Variants in SCN8A observed in about 807,000 individuals in gnomAD.
SCN8A encodes sodium channel protein type 8 subunit alpha.
A neutral mutation model predicts 184.1 loss-of-function variants in SCN8A; 30 were observed. The ratio of observed to expected loss-of-function variants is 0.16; its 90% CI spans 0.12 to 0.22. The LOEUF (loss-of-function observed/expected upper bound fraction) is 0.22, where lower values mean the gene tolerates loss of function less well. Among genes scored for constraint, SCN8A ranks in the 10% least tolerant of loss-of-function variants. The probability of loss-of-function intolerance (pLI) is 1.00; values close to 1 mark genes in which losing one functional copy is unlikely to be tolerated. For missense variants in SCN8A, 1,057 were observed against 2,498.9 expected (o/e 0.42, Z 12.30); for synonymous variants, 852 against 907.0 (o/e 0.94, Z 1.09).
Position 51,662,834 on chromosome 12 carries a change from T to A in SCN8A, c.17T>A (p.Leu6His). The change falls in exon 2 of 27, where the codon CTT becomes CAT. Residue 6 changes from leucine to histidine, a missense_variant. Leu to His is a moderately conservative substitution (Grantham distance 99). Around this residue, in one of 19 missense-constraint regions of SCN8A, gnomAD observed 45 missense variants for 71.3 expected, o/e 0.63. Transcript: ENST00000627620. MAARL[L>H]APPGPDSFKP... ...GATGAGAAGATGGCAGCGCGGCTGC[T>A]TGCACCACCAGGCCCTGATAGTTTC... is the stretch of plus-strand genomic sequence containing the variant. 6.2e-7 allele frequency: 1 copy of A among 1,613,848 alleles called. No individual in the cohort carries two copies. Among genetic ancestry groups the A allele is most frequent in the Non-Finnish European group, 8.5e-7 (1 of 1,179,814 alleles).
intron 4 of SCN8A, 75 bp downstream of exon 4, chr12:51,686,532 T>A: frequency 9.7e-7 from 1 of 1,028,308 alleles, no homozygotes; most frequent in Non-Finnish European, 1.5e-6. Context: ...TGCCACAGTT[T>A]ACCCATCAAG....
intron 1 of SCN8A, among the ~76,000 whole-genome samples, chr12:51,613,823 T>C (rs1011665459): frequency 6.6e-6 from 1 of 152,178 alleles, no homozygotes; most frequent in Non-Finnish European, 1.5e-5. Flanking sequence ...CTGTGGATTA[T>C]TTAGAAGTAT....
At chr12:51,733,083 A>C (rs915714748) in intron 12 of SCN8A, among the ~76,000 whole-genome samples, 13 of 152,188 alleles carry the variant, frequency 8.5e-5, no homozygotes, top group African/African-American at 3.1e-4. Flanking sequence ...TAGGACCTCC[A>C]GTACTATGTT....
At chr12:51,593,125 T>A (rs1159809955) in intron 1 of SCN8A, among the ~76,000 whole-genome samples, 2 of 152,168 alleles carry the variant, frequency 1.3e-5, no homozygotes, top group African/African-American at 2.4e-5. Context: ...TTGGAGCTCA[T>A]GACCCATAAG....
chr12:51,721,560 C>T lies in SCN8A; in HGVS notation c.1650C>T (p.Ile550=), dbSNP rs747628594. The T allele has an allele frequency of 6.2e-7, 1 of 1,603,774 alleles. No individual in the cohort carries two copies. Among genetic ancestry groups the T allele is most frequent in the African/African-American group, 1.3e-5 (1 of 74,786 alleles). The change falls in exon 12 of 27, where the codon ATC becomes ATT. Residue 550 remains isoleucine, a synonymous_variant. Coordinates refer to ENST00000627620, the MANE Select transcript of SCN8A (RefSeq NM_001330260.2). ...FSIMNQSLLS[I]PGSPFLSRHN... ...TGCCCCTGCAGTCACTGCTCAGCAT[C>T]CCAGGCTCGCCCTTCCTCTCCCGCC...
intron 2 of SCN8A, among the ~76,000 whole-genome samples, chr12:51,673,297 G>A (rs1431115988): frequency 1.3e-5 from 2 of 152,104 alleles, no homozygotes; most frequent in East Asian, 3.9e-4. Flanking sequence ...ATGTGCATAG[G>A]TTATGTGCAA....
chr12:51,770,020 ACTCGTGTTG>A, intron 18 of SCN8A, 35 bp downstream of exon 18: 2 of 1,389,138 alleles, frequency 1.4e-6, no homozygotes, highest in Non-Finnish European at 2.0e-6. Flanking sequence ...GGCTGGGGAC[ACTCGTGTTG>A]CTCACAGACA....
intron 1 of SCN8A, among the ~76,000 whole-genome samples, chr12:51,631,397 C>T (rs1444089662): frequency 1.3e-5 from 2 of 152,142 alleles, no homozygotes; most frequent in Non-Finnish European, 2.9e-5. Flanking sequence ...TCTTTTTCTG[C>T]ATTAAAGAGG....
At chr12:51,728,108 A>G (rs1345274692) in intron 12 of SCN8A, among the ~76,000 whole-genome samples, 2 of 152,138 alleles carry the variant, frequency 1.3e-5, no homozygotes, top group Non-Finnish European at 2.9e-5. Flanking sequence ...TCTAGACACC[A>G]TCTTAGCCCC....
At chr12:51,787,183 G>C (rs1417312876) in intron 22 of SCN8A, among the ~76,000 whole-genome samples, 1 of 152,142 alleles carries the variant, frequency 6.6e-6, no homozygotes, top group Non-Finnish European at 1.5e-5. Flanking sequence ...AGACAAAAAA[G>C]TAATGGCAAT....
intron 9 of SCN8A, 115 bp from the exon 10 acceptor site, chr12:51,705,302 A>C (rs1285293872): frequency 1.1e-5 from 10 of 877,856 alleles, no homozygotes; most frequent in Non-Finnish European, 1.6e-5. Flanking sequence ...TGCACAAGGA[A>C]ACAGTCCTGT....
intron 2 of SCN8A, among the ~76,000 whole-genome samples, chr12:51,670,908 G>A (rs1258113083): frequency 6.6e-6 from 1 of 152,136 alleles, no homozygotes; most frequent in East Asian, 1.9e-4. Context: ...GAACAAAACA[G>A]ACAAGCCATA....
At chr12:51,645,087 GC>G (rs946940190) in intron 1 of SCN8A, among the ~76,000 whole-genome samples, 8 of 147,078 alleles carry the variant, frequency 5.4e-5, no homozygotes, top group South Asian at 4.3e-4. Context: ...GGGGGGATCA[GC>G]CCCCCGCCCG....
At chr12:51,646,259 G>A (rs948754256) in intron 1 of SCN8A, among the ~76,000 whole-genome samples, 7 of 152,226 alleles carry the variant, frequency 4.6e-5, no homozygotes, top group Admixed American at 2.0e-4. Flanking sequence ...TATACAAGAA[G>A]TAGAGAGGCT....
chr12:51,791,836 C>T (rs1316100381), intron 25 of SCN8A, among the ~76,000 whole-genome samples: 1 of 152,036 alleles, frequency 6.6e-6, no homozygotes, highest in Non-Finnish European at 1.5e-5. Context: ...CATGACCGTG[C>T]CACTGTACTC....
chr12:51,620,950 G>A (rs951969106), intron 1 of SCN8A, among the ~76,000 whole-genome samples: 1 of 152,160 alleles, frequency 6.6e-6, no homozygotes, highest in Admixed American at 6.5e-5. Flanking sequence ...TTACACCACT[G>A]CATTCCAGCC....
intron 11 of SCN8A, among the ~76,000 whole-genome samples, chr12:51,710,783 T>C (rs1272112027): frequency 2.6e-5 from 4 of 152,226 alleles, no homozygotes; most frequent in African/African-American, 9.7e-5. Flanking sequence ...CTTCCCTGAC[T>C]CTCCTGTTTT....
At chr12:51,787,406 C>T (rs1938116485) in intron 22 of SCN8A, among the ~76,000 whole-genome samples, 1 of 152,110 alleles carries the variant, frequency 6.6e-6, no homozygotes, top group Non-Finnish European at 1.5e-5. Context: ...CCTCTCTCAC[C>T]AGTGTTTCAG....
At chr12:51,762,908 A>T (rs762615249) in intron 15 of SCN8A, among the ~76,000 whole-genome samples, 5 of 152,260 alleles carry the variant, frequency 3.3e-5, no homozygotes, top group Non-Finnish European at 5.9e-5. Flanking sequence ...GAAGCTCTTT[A>T]GAAAATGCTG....
Sources: allele counts gnomAD v4.1 joint callset (sites outside exome capture counted in the v4.1 genomes callset), GRCh38; gene constraint gnomAD v4.1.1; regional missense constraint gnomAD v4.1.1; transcripts MANE v1.5; gene names NCBI Gene and HGNC (gene_info 2026-07-23, HGNC 2026-07-21).